The following LRRC66 variants were observed in gnomAD, a reference collection of about 807,000 sequenced individuals.
The protein encoded by LRRC66 is leucine-rich repeat-containing protein 66.
Under a neutral mutation model 24.6 loss-of-function variants are expected in LRRC66, and 29 were observed. The observed-to-expected ratio is 1.18, with a 90% CI of 0.88 to 1.61. The LOEUF (loss-of-function observed/expected upper bound fraction) is 1.61, where lower values mean the gene tolerates loss of function less well. Among genes scored for constraint, LRRC66 ranks in the 40% most tolerant of loss-of-function variants. The pLI, the probability that LRRC66 is intolerant of heterozygous loss-of-function variation, is 0.00. For missense variants in LRRC66, 1,124 were observed against 1,058.0 expected (o/e 1.06, Z -0.87); for synonymous variants, 411 against 397.6 (o/e 1.03, Z -0.40).
Position 51,995,359 on chromosome 4 carries a change from C to G in LRRC66, c.1663G>C (p.Val555Leu), listed in dbSNP as rs747794616. ...TGAGACGTGCCAGCTACAGAAGAGACGCCCACTGAATGTGCACTGAGAGGC... is the reference window on the plus strand; with the variant it reads ...TGAGACGTGCCAGCTACAGAAGAGAGGCCCACTGAATGTGCACTGAGAGGC... ...EEPLSAHSVG[V>L]SSVAGTSHAV... Residue 555 changes from valine (V) to leucine (L), a missense_variant, in exon 5 of 5, where the codon GTC becomes CTC. Physicochemically the swap from Val to Leu is conservative, Grantham distance 32 (BLOSUM62 1). Transcript: ENST00000682860. 11 of 1,614,062 alleles carry G rather than the reference C, an allele frequency of 6.8e-6. No individual in the cohort carries two copies. Among genetic ancestry groups the G allele is most frequent in the South Asian group, 1.1e-5 (1 of 91,084 alleles).
chr4:52,017,725 C>G, intron 1 of LRRC66, 107 bp from the exon 2 acceptor site: 1 of 1,377,570 alleles, frequency 7.3e-7, no homozygotes, highest in South Asian at 1.8e-5. Flanking sequence ...GTTATCTTGT[C>G]TTGGTTGCCA....
chr4:52,007,652 T>C (rs911529838), intron 2 of LRRC66, among the ~76,000 whole-genome samples: 5 of 152,250 alleles, frequency 3.3e-5, no homozygotes, highest in Admixed American at 2.6e-4. Flanking sequence ...GTTTGGATGA[T>C]TGTTCATCAA....
At position 51,995,971 on chromosome 4, in the gene LRRC66, G is replaced by C; in HGVS notation, c.1051C>G (p.Arg351Gly). Residue 351 changes from arginine to glycine, a missense_variant, in exon 5 of 5, where the codon CGG (arginine) becomes GGG (glycine). Coordinates refer to ENST00000682860, the MANE Select transcript of LRRC66 (RefSeq NM_001024611.3). ...AGSGLRKKQR[R>G]LPRSVRSTRD... ...GTGCTTCTAACACTCCTTGGCAGCC[G>C]TCTCTGCTTCTTCCTGAGACCAGAG... The C allele has an allele frequency of 6.2e-7, 1 of 1,613,936 alleles. No individual in the cohort carries two copies. Among genetic ancestry groups the C allele is most frequent in the Middle Eastern group, 1.6e-4 (1 of 6,062 alleles).
In LRRC66 at chr4:51,995,119, T is replaced by A; in HGVS notation, c.1903A>T (p.Ile635Leu). 6.2e-7 allele frequency: 1 copy of A among 1,614,258 alleles called. No homozygotes were observed. The highest frequency in any genetic ancestry group is 1.1e-5 in the South Asian group (1 of 91,092). ...QVSSSIDLLS[I>L]QQPRLSGARA... ...GCCCCGGACAGCCTTGGCTGCTGTATGCTCAGCAAATCAATGGATGAACTC... is the reference window on the plus strand; with the variant it reads ...GCCCCGGACAGCCTTGGCTGCTGTAAGCTCAGCAAATCAATGGATGAACTC... The change falls in exon 5 of 5, where the codon ATA becomes TTA. Residue 635 changes from isoleucine to leucine, a missense_variant. Transcript: ENST00000682860.
intron 2 of LRRC66, among the ~76,000 whole-genome samples, chr4:52,015,254 A>G (rs950418214): frequency 6.6e-6 from 1 of 152,176 alleles, no homozygotes; most frequent in Non-Finnish European, 1.5e-5. Context: ...AGCTGAGTCT[A>G]CAAGTCTTTC....
Position 51,997,479 on chromosome 4 carries a change from T to C in LRRC66, c.856+269A>G, listed in dbSNP as rs578074464. 5.9e-5 allele frequency among the ~76,000 whole-genome samples: 9 copies of C among 152,332 alleles called. No homozygotes were observed. In the East Asian group the frequency reaches 1.7e-3, roughly 29 times the overall value. On this transcript the variant is annotated intron_variant, in intron 4 of 4. Transcript: ENST00000682860. ...GGTGTGTCAGAACAAAACTCACTTC[T>C]AGTGGAATTCCTCCTTTTCACCAAA...
In LRRC66 at chr4:51,995,309, A is replaced by G. The variant is rs1310670149; in HGVS notation, c.1713T>C (p.Tyr571=). 11 of 1,614,204 alleles carry G rather than the reference A, an allele frequency of 6.8e-6. No homozygotes were observed. Among genetic ancestry groups the G allele is most frequent in the Middle Eastern group, 1.6e-4 (1 of 6,062 alleles). ...TSHAVSGSSR[Y]DSNELDPSLS... ...GGGAAGGGTCTAATTCATTGGAATC[A>G]TAACGGCTTGAGCCAGAGACAGCGT... The change falls in exon 5 of 5, where the codon TAT becomes TAC. Residue 571 remains tyrosine (Y), a synonymous_variant. Transcript: ENST00000682860.
intron 2 of LRRC66, among the ~76,000 whole-genome samples, chr4:52,009,167 A>C (rs1300388421): frequency 2.0e-5 from 3 of 152,176 alleles, no homozygotes; most frequent in African/African-American, 7.2e-5. Context: ...AAGAAAAATC[A>C]AAATAGAAAT....
intron 4 of LRRC66, among the ~76,000 whole-genome samples, chr4:51,997,337 T>C (rs1736343072): frequency 6.6e-6 from 1 of 152,234 alleles, no homozygotes. Flanking sequence ...TTAAAAGTTC[T>C]TTCTTTAATA....
intron 3 of LRRC66, among the ~76,000 whole-genome samples, chr4:52,001,244 T>C (rs998484404): frequency 6.6e-6 from 1 of 152,150 alleles, no homozygotes; most frequent in African/African-American, 2.4e-5. Context: ...AAAGGGGAAT[T>C]AATTTAATCT....
chr4:52,005,927 G>A (rs1167338637), intron 2 of LRRC66, among the ~76,000 whole-genome samples: 1 of 152,220 alleles, frequency 6.6e-6, no homozygotes, highest in Non-Finnish European at 1.5e-5. Flanking sequence ...GTGCATAGAA[G>A]CATATTCCTA....
chr4:52,011,452 G>A (rs1281441387), intron 2 of LRRC66, among the ~76,000 whole-genome samples: 1 of 152,216 alleles, frequency 6.6e-6, no homozygotes, highest in African/African-American at 2.4e-5. Flanking sequence ...AGGAAGAGCA[G>A]AGGCTTCCAA....
At chr4:52,008,818 G>C (rs1277723134) in intron 2 of LRRC66, among the ~76,000 whole-genome samples, 1 of 152,118 alleles carries the variant, frequency 6.6e-6, no homozygotes, top group Non-Finnish European at 1.5e-5. Context: ...GAAGTCTGGA[G>C]TAAGGAACAA....
At chr4:51,998,088 AGTCTCT>A in intron 3 of LRRC66, 151 bp from the exon 4 acceptor site, 1 of 681,046 alleles carries the variant, frequency 1.5e-6, no homozygotes, top group Non-Finnish European at 2.5e-6. Context: ...TGGGGTTTTA[AGTCTCT>A]GTTCTACCCC....
chr4:51,996,282 G>C, intron 4 of LRRC66, 117 bp from the exon 5 acceptor site: 2 of 996,118 alleles, frequency 2.0e-6, no homozygotes, highest in Non-Finnish European at 2.9e-6. Context: ...TGAATTCCAG[G>C]CACACCCAGC....
chr4:51,994,201 C>T lies in LRRC66; in HGVS notation c.*178G>A. The T allele has an allele frequency of 3.2e-6, 2 of 617,526 alleles. No homozygotes were observed. The highest frequency in any genetic ancestry group is 5.6e-6 in the Non-Finnish European group (2 of 357,996). 38.3% of individuals were successfully genotyped at this position (617,526 alleles called of 1,614,324 possible). ...TAACAAGTGTGTTTAGCTTATAACC[C>T]TTCTAGAATCATCGCCCTCAAGTGG... is the stretch of plus-strand genomic sequence containing the variant. On this transcript the variant is annotated 3_prime_UTR_variant, in exon 5 of 5. Transcript: ENST00000682860.
rs767689077 is a variant in LRRC66 at position 51,995,435 on chromosome 4, A to C, written c.1587T>G (p.His529Gln). The change falls in exon 5 of 5, where the codon CAT (histidine) becomes CAG (glutamine). Residue 529 changes from histidine to glutamine, a missense_variant. His to Gln is a conservative substitution (Grantham distance 24). Coordinates refer to ENST00000682860, the MANE Select transcript of LRRC66 (RefSeq NM_001024611.3). ...ELMSAAQDHI[H>Q]RNDILGEWTY... is the part of the protein sequence containing the mutation. Reference sequence around the variant, plus strand: ...TCCATTCTCCGAGAATATCATTCCTATGGATGTGGTCCTGCGCTGCTGACA... The same window carrying C: ...TCCATTCTCCGAGAATATCATTCCTCTGGATGTGGTCCTGCGCTGCTGACA... 3 of 1,614,082 alleles carry C rather than the reference A, an allele frequency of 1.9e-6. No homozygotes were observed. The South Asian group carries it at 3.3e-5, about 18-fold the overall frequency.
chr4:52,008,556 G>A (rs1443814603), intron 2 of LRRC66, among the ~76,000 whole-genome samples: 1 of 151,748 alleles, frequency 6.6e-6, no homozygotes, highest in Non-Finnish European at 1.5e-5. Flanking sequence ...ACTATAAAAA[G>A]AATAAAGATA....
intron 3 of LRRC66, among the ~76,000 whole-genome samples, chr4:51,998,376 A>G (rs1736372724): frequency 6.6e-6 from 1 of 152,216 alleles, no homozygotes; most frequent in Non-Finnish European, 1.5e-5. Context: ...TGATGAAGAC[A>G]CAGAACACAG....
Sources: allele counts gnomAD v4.1 joint callset (sites outside exome capture counted in the v4.1 genomes callset), GRCh38; gene constraint gnomAD v4.1.1; transcripts MANE v1.5; gene names NCBI Gene and HGNC (gene_info 2026-07-23, HGNC 2026-07-21).